The following GOLGA8H variants were observed in gnomAD, a reference collection of about 807,000 sequenced individuals.
GOLGA8H encodes the protein golgin subfamily A member 8H.
In GOLGA8H, 47 loss-of-function variants were observed where a neutral mutation model predicts 82.7. That is an observed-to-expected ratio of 0.57 (90% CI 0.45 to 0.73). GOLGA8H has a LOEUF of 0.73. Ranked by LOEUF, GOLGA8H falls within the 30% of genes least tolerant of loss-of-function variation. The pLI, the probability that GOLGA8H is intolerant of heterozygous loss-of-function variation, is 0.00. For missense variants in GOLGA8H, 372 were observed against 661.0 expected (o/e 0.56, Z 4.79); for synonymous variants, 108 against 241.6 (o/e 0.45, Z 5.13).
intron 13 of GOLGA8H, among the ~76,000 whole-genome samples, chr15:30,611,769 A>G (rs994437883): frequency 2.8e-5 from 3 of 105,264 alleles, no homozygotes; most frequent in African/African-American, 8.8e-5. Flanking sequence ...AAAAAAAAAA[A>G]TTAGCAGGAC....
chr15:30,613,270 T>C, intron 15 of GOLGA8H, 75 bp downstream of exon 15: 2 of 526,362 alleles, frequency 3.8e-6, no homozygotes, highest in South Asian at 1.8e-5. Context: ...ATGCTCTTCG[T>C]TTCCCTGCCT....
chr15:30,605,699 T>A, intron 1 of GOLGA8H, 144 bp from the exon 2 acceptor site: 1 of 1,402,610 alleles, frequency 7.1e-7, no homozygotes, highest in Non-Finnish European at 9.5e-7. Context: ...TCTCAGTCAC[T>A]AAATGAGTGT....
intron 2 of GOLGA8H, 124 bp downstream of exon 2, chr15:30,606,086 G>T (rs918437858): frequency 6.8e-6 from 10 of 1,474,618 alleles, no homozygotes; most frequent in Middle Eastern, 2.4e-4. Context: ...CGGGTGTGGT[G>T]GCCCACGCCT....
At position 30,605,842 on chromosome 15, in the gene GOLGA8H, G is replaced by T. The variant is rs774487196; in HGVS notation, c.49-1G>T. The T allele has an allele frequency of 5.7e-6, 9 of 1,588,964 alleles. No homozygotes were observed. The highest frequency in any genetic ancestry group is 4.5e-5 in the South Asian group (4 of 89,620). ...AGTATTACTGCTCTTCTTTCCAACA[G>T]TTAAAAGAATATTGGCAGAAAAACA... On this transcript the variant is annotated splice_acceptor_variant, in intron 1 of 18. Coordinates refer to ENST00000566740, the MANE Select transcript of GOLGA8H (RefSeq NM_001282490.2). LOFTEE classifies it high-confidence loss of function.
intron 8 of GOLGA8H, among the ~76,000 whole-genome samples, chr15:30,609,180 AG>A (rs2059977478): frequency 8.6e-6 from 1 of 116,538 alleles, no homozygotes; most frequent in South Asian, 2.7e-4. Flanking sequence ...CATGTCTGCA[AG>A]GGTTCATAAA....
intron 8 of GOLGA8H, among the ~76,000 whole-genome samples, chr15:30,609,083 T>C (rs974567387): frequency 7.8e-6 from 1 of 128,148 alleles, no homozygotes; most frequent in African/African-American, 3.2e-5. Context: ...ACCTTTAGTA[T>C]GTTACCATTT....
rs2059999762 is a variant in GOLGA8H at position 30,610,359 on chromosome 15, A to T, written c.844A>T (p.Arg282Trp). The T allele has an allele frequency of 9.1e-6, 13 of 1,424,998 alleles. No homozygotes were observed. Among genetic ancestry groups the T allele is most frequent in the Middle Eastern group, 2.5e-4 (1 of 4,070 alleles). 88.3% of individuals were successfully genotyped at this position (1,424,998 alleles called of 1,614,324 possible). A position where few individuals can be genotyped will look rare whatever the true frequency, so the allele number is the denominator to read the frequency against. ...TATGCGTCGGGTAGAGAAGCTGGAG[A>T]GGAGCTTGTCCAAACTCAAAAACCA... Reference protein sequence around the residue: ...QDMRRVEKLERSLSKLKNQMA... With the variant: ...QDMRRVEKLEWSLSKLKNQMA... Residue 282 changes from arginine (R) to tryptophan (W), a missense_variant, in exon 11 of 19, where the codon AGG (arginine) becomes TGG (tryptophan). Physicochemically the swap from Arg to Trp is moderately radical, Grantham distance 101. Coordinates refer to ENST00000566740, the MANE Select transcript of GOLGA8H (RefSeq NM_001282490.2).
intron 2 of GOLGA8H, among the ~76,000 whole-genome samples, chr15:30,606,375 C>G: frequency 6.7e-6 from 1 of 149,484 alleles, no homozygotes; most frequent in Non-Finnish European, 1.5e-5. Context: ...AAAAGGAATT[C>G]TGGATTTGAA....
At chr15:30,606,485 G>C (rs1487817049) in intron 2 of GOLGA8H, among the ~76,000 whole-genome samples, 1 of 151,374 alleles carries the variant, frequency 6.6e-6, no homozygotes, top group African/African-American at 2.4e-5. Context: ...AGGTGATATT[G>C]TTTCACTTCC....
rs767748881 is a variant in GOLGA8H, at chr15:30,610,103, G to A, written c.783G>A (p.Gln261=). ...RWQQRMRKMS[Q]EICTLKKEKQ... is the part of the protein sequence containing the mutation. ...AGCAGAGGATGAGAAAAATGTCGCAGGAGGTGAGATCTCACCCTTCAGCCC... is the reference window on the plus strand; with the variant it reads ...AGCAGAGGATGAGAAAAATGTCGCAAGAGGTGAGATCTCACCCTTCAGCCC... Residue 261 remains glutamine, a synonymous_variant, in exon 10 of 19, where the codon CAG becomes CAA. Transcript: ENST00000566740. The A allele has an allele frequency of 3.7e-6, 6 of 1,611,020 alleles. No individual in the cohort carries two copies. Among genetic ancestry groups the A allele is most frequent in the Non-Finnish European group, 4.2e-6 (5 of 1,179,666 alleles).
At chr15:30,609,680 G>T (rs1424646309) in intron 8 of GOLGA8H, 126 bp from the exon 9 acceptor site, 3 of 1,272,326 alleles carry the variant, frequency 2.4e-6, no homozygotes, top group Middle Eastern at 2.6e-4. Flanking sequence ...CAGACCACGG[G>T]CTTGGAAATG....
At chr15:30,609,122 T>G (rs1270716774) in intron 8 of GOLGA8H, among the ~76,000 whole-genome samples, 1 of 106,344 alleles carries the variant, frequency 9.4e-6, no homozygotes, top group East Asian at 2.0e-4. Flanking sequence ...TGTGTGCGTG[T>G]GTGTGTGTGT....
At chr15:30,608,963 T>C in intron 8 of GOLGA8H, among the ~76,000 whole-genome samples, 1 of 118,998 alleles carries the variant, frequency 8.4e-6, no homozygotes, top group African/African-American at 3.5e-5. Context: ...GAGTGAGCAC[T>C]GGACGCAGAG....
intron 2 of GOLGA8H, 92 bp downstream of exon 2, chr15:30,606,054 G>A: frequency 2.0e-6 from 3 of 1,518,924 alleles, no homozygotes; most frequent in Non-Finnish European, 1.8e-6. Flanking sequence ...GCTGGGTACT[G>A]GTTAAGAATT....
At position 30,608,534 on chromosome 15, in the gene GOLGA8H, C is replaced by G; in HGVS notation, c.464C>G (p.Ser155Cys). Residue 155 changes from serine to cysteine, a missense_variant, in exon 7 of 19, where the codon TCT becomes TGT. Coordinates refer to ENST00000566740, the MANE Select transcript of GOLGA8H (RefSeq NM_001282490.2). ...ACGGACCTGTACCACATGAAACGTT[C>G]TCTCAGATACTTTGAAGGTGGGAAT... ...LNTDLYHMKR[S>C]LRYFEEKSKD... 6.2e-7 allele frequency: 1 copy of G among 1,610,516 alleles called. No individual in the cohort carries two copies. Among genetic ancestry groups the G allele is most frequent in the Admixed American group, 1.7e-5 (1 of 59,946 alleles).
chr15:30,605,807 G>C, intron 1 of GOLGA8H, 36 bp from the exon 2 acceptor site: 2 of 1,590,498 alleles, frequency 1.3e-6, no homozygotes, highest in Non-Finnish European at 8.5e-7. Flanking sequence ...AGGGGCTGAC[G>C]GTTCTCATGA....
At position 30,615,139 on chromosome 15, in the gene GOLGA8H, T is replaced by G. The variant is rs918093602; in HGVS notation, c.*578T>G. Among the ~76,000 whole-genome samples the G allele has an allele frequency of 1.3e-5, 2 of 151,876 alleles. No homozygotes were observed. Among genetic ancestry groups the G allele is most frequent in the African/African-American group, 4.8e-5 (2 of 41,334 alleles). On this transcript the variant is annotated 3_prime_UTR_variant, in exon 19 of 19. Coordinates refer to ENST00000566740, the MANE Select transcript of GOLGA8H (RefSeq NM_001282490.2). ...AGAACTGGAAACAGCCTTTCCTCCA[T>G]TTTCTGTGTATTGGTGATGGGAGTG... is the stretch of plus-strand genomic sequence containing the variant.
rs543421438 is a variant in GOLGA8H at position 30,616,090 on chromosome 15, T to A, written c.*1529T>A. On this transcript the variant is annotated 3_prime_UTR_variant, in exon 19 of 19. Coordinates refer to ENST00000566740, the MANE Select transcript of GOLGA8H (RefSeq NM_001282490.2). ...TCTGGGTTTCTGTTCGGGACATATT[T>A]TGTGCGATATTTATGTGATTGTGCC... Among the ~76,000 whole-genome samples, 11 of 152,132 alleles carry A rather than the reference T, an allele frequency of 7.2e-5. No individual in the cohort carries two copies. The South Asian group carries it at 2.3e-3, about 32-fold the overall frequency.
chr15:30,615,176 G>A lies in GOLGA8H; in HGVS notation c.*615G>A, dbSNP rs563779995. Among the ~76,000 whole-genome samples, 333 of 151,940 alleles carry A rather than the reference G, an allele frequency of 2.2e-3. 1 individual carries two copies. The highest frequency in any genetic ancestry group is 4.6e-3 in the Admixed American group (70 of 15,244). ...TGGTGATGGGAGTGATAACCTTTTG[G>A]GGGAGCTTTTTAAATCTCACAGAAG... On this transcript the variant is annotated 3_prime_UTR_variant, in exon 19 of 19. Transcript: ENST00000566740.
Sources: allele counts gnomAD v4.1 joint callset (sites outside exome capture counted in the v4.1 genomes callset), GRCh38; gene constraint gnomAD v4.1.1; transcripts MANE v1.5; gene names NCBI Gene and HGNC (gene_info 2026-07-23, HGNC 2026-07-21).